EMP2: variants seen among roughly 807,000 people sequenced by gnomAD.
EMP2 encodes the protein epithelial membrane protein 2.
EMP2 carries 19 observed loss-of-function variants against 13.7 expected under a neutral mutation model. The observed-to-expected ratio is 1.38, with a 90% CI of 0.97 to 2.03. The LOEUF (loss-of-function observed/expected upper bound fraction) is 2.03. Ranked by LOEUF, EMP2 falls within the 30% of genes most tolerant of loss-of-function variation. The pLI is 0.00. For synonymous variants in EMP2, 97 were observed against 84.7 expected (o/e 1.15, Z -0.80); for missense variants, 253 against 220.7 (o/e 1.15, Z -0.93).
intron 1 of EMP2, among the ~76,000 whole-genome samples, chr16:10,572,542 T>G (rs1481111164): frequency 2.0e-5 from 3 of 152,170 alleles, no homozygotes; most frequent in Admixed American, 6.5e-5. Context: ...AGTCCATCTT[T>G]GTTCACTACC....
At chr16:10,552,238 A>G (rs1320868293) in intron 1 of EMP2, among the ~76,000 whole-genome samples, 3 of 151,964 alleles carry the variant, frequency 2.0e-5, no homozygotes, top group Non-Finnish European at 4.4e-5. Flanking sequence ...CAACTTCACC[A>G]GGGCCATTAA....
At chr16:10,542,891 G>T (rs1471670778) in intron 3 of EMP2, among the ~76,000 whole-genome samples, 1 of 152,188 alleles carries the variant, frequency 6.6e-6, no homozygotes, top group African/African-American at 2.4e-5. Context: ...TGTCACCCAG[G>T]GTGGAGCGCA....
At chr16:10,548,671 G>A (rs2050758585) in intron 1 of EMP2, among the ~76,000 whole-genome samples, 1 of 151,910 alleles carries the variant, frequency 6.6e-6, no homozygotes. Context: ...ACTAGCCTGG[G>A]TGACACAGCA....
chr16:10,572,772 C>A (rs535184408), intron 1 of EMP2, among the ~76,000 whole-genome samples: 68 of 152,342 alleles, frequency 4.5e-4, no homozygotes, highest in African/African-American at 1.6e-3. Context: ...TCTGATCCCA[C>A]TGGCATCTGC....
In EMP2 at chr16:10,566,763, G is replaced by A. The variant is rs760976355; in HGVS notation, c.-61+13786C>T. Among the ~76,000 whole-genome samples the A allele has an allele frequency of 4.5e-4, 69 of 152,114 alleles. 1 individual carries two copies. Among genetic ancestry groups the A allele is most frequent in the Middle Eastern group, 3.2e-3 (1 of 316 alleles). On this transcript the variant is annotated intron_variant, in intron 1 of 4. Coordinates refer to ENST00000359543, the MANE Select transcript of EMP2 (RefSeq NM_001424.6). ...TGACTACCTGTCCATCAGTGTGTTC[G>A]CTGAGTACACAGAGCATGCGAGGCT...
chr16:10,569,808 C>A (rs770123255), intron 1 of EMP2, among the ~76,000 whole-genome samples: 20 of 152,194 alleles, frequency 1.3e-4, no homozygotes, highest in Non-Finnish European at 2.8e-4. Context: ...GATGATTAAG[C>A]CTCTCTCAGG....
At chr16:10,579,708 G>GCACGCACACACACACACA (rs1555461492) in intron 1 of EMP2, among the ~76,000 whole-genome samples, 49 of 146,784 alleles carry the variant, frequency 3.3e-4, no homozygotes, top group South Asian at 1.3e-3. Context: ...AGATCAAGGT[G>GCACGCACACACACACACA]CACACACACA....
intron 1 of EMP2, among the ~76,000 whole-genome samples, chr16:10,557,965 A>G (rs1338645392): frequency 6.6e-6 from 1 of 151,896 alleles, no homozygotes; most frequent in East Asian, 1.9e-4. Context: ...AGACACTGGG[A>G]ACTGTGGGTG....
chr16:10,533,950 C>T (rs1280534889), intron 4 of EMP2, among the ~76,000 whole-genome samples: 2 of 152,070 alleles, frequency 1.3e-5, no homozygotes, highest in Non-Finnish European at 2.9e-5. Flanking sequence ...CCCGTCCCTA[C>T]TAAAAATACA....
At chr16:10,553,762 T>G (rs2050806882) in intron 1 of EMP2, among the ~76,000 whole-genome samples, 1 of 152,268 alleles carries the variant, frequency 6.6e-6, no homozygotes, top group South Asian at 2.1e-4. Context: ...GGTTCCCTAT[T>G]GGTAGCCATT....
chr16:10,540,453 C>G (rs1567201725), intron 3 of EMP2, among the ~76,000 whole-genome samples: 1 of 151,996 alleles, frequency 6.6e-6, no homozygotes, highest in Non-Finnish European at 1.5e-5. Flanking sequence ...CTGCAGCGAG[C>G]AGAGATTGCG....
intron 4 of EMP2, among the ~76,000 whole-genome samples, chr16:10,537,156 G>A (rs945846233): frequency 6.6e-6 from 1 of 152,178 alleles, no homozygotes; most frequent in African/African-American, 2.4e-5. Flanking sequence ...AAGCACCCTA[G>A]AAGGGACTTC....
chr16:10,563,145 C>T (rs1032479272), intron 1 of EMP2, among the ~76,000 whole-genome samples: 16 of 152,068 alleles, frequency 1.1e-4, no homozygotes, highest in African/African-American at 3.9e-4. Flanking sequence ...AAGTAATCCC[C>T]AGGCCCATCA....
chr16:10,535,993 T>A (rs1390762258), intron 4 of EMP2, among the ~76,000 whole-genome samples: 2 of 151,966 alleles, frequency 1.3e-5, no homozygotes, highest in East Asian at 3.9e-4. Context: ...GCCTTGGGAG[T>A]CTGCACTTTA....
At chr16:10,562,250 C>G (rs2050876326) in intron 1 of EMP2, among the ~76,000 whole-genome samples, 2 of 151,770 alleles carry the variant, frequency 1.3e-5, no homozygotes, top group Non-Finnish European at 2.9e-5. Flanking sequence ...GCCCAGCTGG[C>G]CTTGTGATTT....
intron 1 of EMP2, among the ~76,000 whole-genome samples, chr16:10,550,075 A>G (rs894809638): frequency 6.6e-6 from 1 of 151,522 alleles, no homozygotes; most frequent in Admixed American, 6.6e-5. Context: ...TAGTACAGAC[A>G]GGGTTTCACT....
intron 1 of EMP2, among the ~76,000 whole-genome samples, chr16:10,561,741 G>T (rs1394260398): frequency 6.6e-6 from 1 of 152,162 alleles, no homozygotes; most frequent in African/African-American, 2.4e-5. Context: ...TGTTTTTGCA[G>T]GACAGTATTC....
chr16:10,570,705 T>C (rs2050941066), intron 1 of EMP2, among the ~76,000 whole-genome samples: 1 of 151,624 alleles, frequency 6.6e-6, no homozygotes. Context: ...GCTGGCTAAT[T>C]TTTATTTTAT....
chr16:10,542,593 G>A (rs1388770260), intron 3 of EMP2, among the ~76,000 whole-genome samples: 1 of 152,086 alleles, frequency 6.6e-6, no homozygotes, highest in Non-Finnish European at 1.5e-5. Context: ...CAGGCAACTG[G>A]GATCCCAAAG....
Sources: allele counts gnomAD v4.1 joint callset (sites outside exome capture counted in the v4.1 genomes callset), GRCh38; gene constraint gnomAD v4.1.1; transcripts MANE v1.5; gene names NCBI Gene and HGNC (gene_info 2026-07-23, HGNC 2026-07-21).